Variants in RAB11FIP2 observed in about 807,000 individuals in gnomAD.
RAB11FIP2 encodes RAB11 family interacting protein 2.
RAB11FIP2 carries 16 observed loss-of-function variants against 40.9 expected under a neutral mutation model. The observed-to-expected ratio is 0.39, with a 90% CI of 0.26 to 0.59. RAB11FIP2 has a LOEUF of 0.59. RAB11FIP2 is among the 20% of genes least tolerant of loss of function. The pLI is 0.53. For missense variants in RAB11FIP2, 532 were observed against 606.2 expected (o/e 0.88, Z 1.28); for synonymous variants, 228 against 213.7 (o/e 1.07, Z -0.58).
intron 3 of RAB11FIP2, among the ~76,000 whole-genome samples, chr10:118,019,793 T>G (rs900539441): frequency 6.1e-5 from 9 of 148,480 alleles, no homozygotes; most frequent in African/African-American, 2.0e-4. Flanking sequence ...GCCACTGCAC[T>G]CCAACCTGGG....
At chr10:118,033,538 ATGAGT>A (rs1372436337) in intron 3 of RAB11FIP2, among the ~76,000 whole-genome samples, 1 of 152,142 alleles carries the variant, frequency 6.6e-6, no homozygotes, top group Non-Finnish European at 1.5e-5. Flanking sequence ...ACACTCAGAG[ATGAGT>A]TGAGAGTGCA....
chr10:118,034,149 T>A (rs1338305586), intron 3 of RAB11FIP2: 1 of 661,814 alleles, frequency 1.5e-6, no homozygotes, highest in Admixed American at 2.1e-5. Flanking sequence ...TGCGGCTGTG[T>A]TCGAACAAAA....
intron 3 of RAB11FIP2, among the ~76,000 whole-genome samples, chr10:118,022,525 C>A (rs758596923): frequency 6.6e-6 from 1 of 152,166 alleles, no homozygotes; most frequent in Non-Finnish European, 1.5e-5. Context: ...TGCCAAGGAA[C>A]AATCTACTTC....
Position 118,039,249 on chromosome 10 carries a change from C to T in RAB11FIP2, c.988G>A (p.Glu330Lys), listed in dbSNP as rs745739576. The T allele has an allele frequency of 5.6e-6, 9 of 1,613,624 alleles. No homozygotes were observed. Among genetic ancestry groups the T allele is most frequent in the Admixed American group, 1.7e-5 (1 of 59,942 alleles). ...AAATTCATGCTGCTGTCCCATGTTT[C>T]GCTGCTTTCTTCAAATGGATTTTTC... Reference protein sequence around the residue: ...RKKNPFEESSETWDSSMNLFS... With the variant: ...RKKNPFEESSKTWDSSMNLFS... Residue 330 changes from glutamate to lysine, a missense_variant, in exon 3 of 5, where the codon GAA (glutamate) becomes AAA (lysine). Glu to Lys is a moderately conservative substitution (Grantham distance 56, BLOSUM62 1). Transcript: ENST00000355624.
chr10:118,012,547 G>C (rs1317306028), intron 4 of RAB11FIP2, among the ~76,000 whole-genome samples: 1 of 151,632 alleles, frequency 6.6e-6, no homozygotes, highest in African/African-American at 2.4e-5. Flanking sequence ...ATATATTTCT[G>C]TTTGTTGATA....
chr10:118,009,008 G>C lies in RAB11FIP2; in HGVS notation c.1529C>G (p.Ser510Cys). 6.2e-7 allele frequency: 1 copy of C among 1,608,760 alleles called. No homozygotes were observed. Among genetic ancestry groups the C allele is most frequent in the Non-Finnish European group, 8.5e-7 (1 of 1,175,428 alleles). The change falls in exon 5 of 5, where the codon TCT becomes TGT. Residue 510 changes from serine (S) to cysteine (C), a missense_variant. By Grantham distance (112) the Ser-to-Cys change is moderately radical. Coordinates refer to ENST00000355624, the MANE Select transcript of RAB11FIP2 (RefSeq NM_014904.3). ...YEPSRKAGKF[S>C]NS ...ATACAATTGGCTTTATTAACTGTTAGAGAATTTGCCAGCTTTCCTGGATGG... is the reference window on the plus strand; with the variant it reads ...ATACAATTGGCTTTATTAACTGTTACAGAATTTGCCAGCTTTCCTGGATGG...
chr10:118,007,136 C>T lies in RAB11FIP2; in HGVS notation c.*1862G>A, dbSNP rs191291902. The T allele has an allele frequency of 6.9e-5, 10 of 144,924 alleles. No homozygotes were observed. The highest frequency in any genetic ancestry group is 4.5e-4 in the South Asian group (2 of 4,440). 9.0% of individuals were successfully genotyped at this position (144,924 alleles called of 1,614,324 possible). A position where few individuals can be genotyped will look rare whatever the true frequency, so the allele number is the denominator to read the frequency against. The stretch of plus-strand genomic sequence containing the variant: ...AAAACAAATGCTGAGAATTTTGTAA[C>T]ATTTAGTTAATTAAAAGTGGCACCA... On this transcript the variant is annotated 3_prime_UTR_variant, in exon 5 of 5. Transcript: ENST00000355624.
At chr10:118,024,866 G>A (rs1846324920) in intron 3 of RAB11FIP2, among the ~76,000 whole-genome samples, 2 of 152,140 alleles carry the variant, frequency 1.3e-5, no homozygotes, top group Admixed American at 1.3e-4. Context: ...GGCCTCAGGT[G>A]TTTAAGAACA....
intron 1 of RAB11FIP2, chr10:118,045,393 A>G (rs1183768483): frequency 1.2e-5 from 2 of 162,630 alleles, no homozygotes; most frequent in Non-Finnish European, 2.7e-5. Context: ...ATCTTTTGAC[A>G]GCTACAAAGT....
At chr10:118,020,482 G>A (rs1465132504) in intron 3 of RAB11FIP2, among the ~76,000 whole-genome samples, 1 of 152,188 alleles carries the variant, frequency 6.6e-6, no homozygotes, top group Non-Finnish European at 1.5e-5. Flanking sequence ...CCTCTGGAGA[G>A]TGTATCACCT....
chr10:118,036,077 TAA>T (rs563578657), intron 3 of RAB11FIP2, among the ~76,000 whole-genome samples: 1 of 152,152 alleles, frequency 6.6e-6, no homozygotes, highest in South Asian at 2.1e-4. Flanking sequence ...GTCTAACTTC[TAA>T]AAAAAGTGTG....
chr10:118,040,008 A>C, intron 2 of RAB11FIP2, 115 bp downstream of exon 2: 1 of 1,041,038 alleles, frequency 9.6e-7, no homozygotes, highest in South Asian at 1.7e-5. Context: ...TGAATGACAA[A>C]ATTTGGAAAA....
intron 3 of RAB11FIP2, among the ~76,000 whole-genome samples, chr10:118,028,371 C>T (rs1428021727): frequency 6.6e-6 from 1 of 151,030 alleles, no homozygotes; most frequent in Non-Finnish European, 1.5e-5. Flanking sequence ...ATGTCAAAGA[C>T]CAAGAATTAA....
chr10:118,014,430 GCAATGGAACTCTGAA>G (rs1280033945), intron 4 of RAB11FIP2, among the ~76,000 whole-genome samples: 1 of 152,102 alleles, frequency 6.6e-6, no homozygotes, highest in Non-Finnish European at 1.5e-5. Context: ...GATTGCAGAT[GCAATGGAACTCTGAA>G]CAGAGATTAA....
At chr10:118,032,702 T>C (rs1296026095) in intron 3 of RAB11FIP2, among the ~76,000 whole-genome samples, 2 of 152,148 alleles carry the variant, frequency 1.3e-5, no homozygotes, top group East Asian at 3.9e-4. Context: ...AAATATTAAA[T>C]GGAAAATTCC....
intron 1 of RAB11FIP2, among the ~76,000 whole-genome samples, chr10:118,045,014 T>C (rs1370580232): frequency 6.6e-6 from 1 of 152,148 alleles, no homozygotes; most frequent in Non-Finnish European, 1.5e-5. Context: ...TATATTATGA[T>C]TTTTTAAATT....
rs774801304 is a variant in RAB11FIP2, at chr10:118,040,360, T to C, written c.559A>G (p.Ile187Val). 5.6e-6 allele frequency: 9 copies of C among 1,613,868 alleles called. No homozygotes were observed. Among genetic ancestry groups the C allele is most frequent in the Admixed American group, 1.7e-5 (1 of 60,010 alleles). Residue 187 changes from isoleucine to valine, a missense_variant, in exon 2 of 5, where the codon ATC becomes GTC. Physicochemically the swap from Ile to Val is conservative, Grantham distance 29. Coordinates refer to ENST00000355624, the MANE Select transcript of RAB11FIP2 (RefSeq NM_014904.3). ...TCGGGCATGTGAGTACTTGGAATGA[T>C]TGCAGAAGACGTATCAGAAAATGTT... ...DGTFSDTSSA[I>V]IPSTHMPDAN...
intron 3 of RAB11FIP2, chr10:118,033,921 G>A (rs998725516): frequency 1.4e-6 from 1 of 700,470 alleles, no homozygotes; most frequent in Middle Eastern, 2.4e-4. Context: ...GGGCCACTTG[G>A]CTATTCCTCG....
At chr10:118,015,377 A>G (rs1846205951) in intron 3 of RAB11FIP2, among the ~76,000 whole-genome samples, 1 of 152,232 alleles carries the variant, frequency 6.6e-6, no homozygotes, top group South Asian at 2.1e-4. Context: ...CTTTAAACAT[A>G]GCACTTTTAT....
Sources: allele counts gnomAD v4.1 joint callset (sites outside exome capture counted in the v4.1 genomes callset), GRCh38; gene constraint gnomAD v4.1.1; transcripts MANE v1.5; gene names NCBI Gene and HGNC (gene_info 2026-07-23, HGNC 2026-07-21).